The following CMC1 variants were observed in gnomAD, a reference collection of about 807,000 sequenced individuals.
CMC1 encodes the protein C-X9-C motif containing 1.
CMC1 carries 14 observed loss-of-function variants against 14.1 expected under a neutral mutation model. The observed-to-expected ratio is 0.99, with a 90% CI of 0.66 to 1.55. The LOEUF (loss-of-function observed/expected upper bound fraction) is 1.55. CMC1 is among the 40% of genes most tolerant of loss of function. The pLI, the probability that CMC1 is intolerant of heterozygous loss-of-function variation, is 0.00. For synonymous variants in CMC1, 50 were observed against 38.4 expected (o/e 1.30, Z -1.12); for missense variants, 127 against 123.8 (o/e 1.03, Z -0.12).
At chr3:28,295,875 G>A (rs1701715845) in intron 2 of CMC1, among the ~76,000 whole-genome samples, 1 of 151,944 alleles carries the variant, frequency 6.6e-6, no homozygotes, top group Non-Finnish European at 1.5e-5. Context: ...GATAAGGAAT[G>A]GTATTTATTG....
At chr3:28,282,243 C>G (rs1466641343) in intron 2 of CMC1, among the ~76,000 whole-genome samples, 1 of 152,134 alleles carries the variant, frequency 6.6e-6, no homozygotes, top group Non-Finnish European at 1.5e-5. Flanking sequence ...AGCTGTTTTC[C>G]ATTAACAGTG....
At chr3:28,261,494 A>G (rs1338423261) in intron 1 of CMC1, among the ~76,000 whole-genome samples, 1 of 152,172 alleles carries the variant, frequency 6.6e-6, no homozygotes, top group Admixed American at 6.6e-5. Context: ...ATGAAAAAAG[A>G]AGTAATTTTG....
chr3:28,280,695 A>G (rs1240333148), intron 2 of CMC1, among the ~76,000 whole-genome samples: 1 of 152,260 alleles, frequency 6.6e-6, no homozygotes, highest in Non-Finnish European at 1.5e-5. Context: ...ATAGCATCAT[A>G]TATAATATGG....
At chr3:28,243,540 C>A (rs893612554) in intron 1 of CMC1, among the ~76,000 whole-genome samples, 1 of 152,176 alleles carries the variant, frequency 6.6e-6, no homozygotes, top group East Asian at 1.9e-4. Flanking sequence ...ACTCATAAGC[C>A]ACTCCAATCT....
At chr3:28,283,775 C>G (rs1485195926) in intron 2 of CMC1, among the ~76,000 whole-genome samples, 3 of 152,132 alleles carry the variant, frequency 2.0e-5, no homozygotes. Context: ...CATCTCAATA[C>G]AGATTACTGC....
At chr3:28,301,759 TGAG>T (rs1702060176) in intron 2 of CMC1, among the ~76,000 whole-genome samples, 1 of 152,046 alleles carries the variant, frequency 6.6e-6, no homozygotes, top group Non-Finnish European at 1.5e-5. Context: ...TCACATACCT[TGAG>T]GAGGCAGCAA....
At chr3:28,307,695 A>T (rs1333902564) in intron 2 of CMC1, among the ~76,000 whole-genome samples, 3 of 152,322 alleles carry the variant, frequency 2.0e-5, no homozygotes, top group Admixed American at 1.3e-4. Context: ...ATTGCAAAAC[A>T]TCTTTTAGCC....
chr3:28,286,811 C>A (rs1384227662), intron 2 of CMC1, among the ~76,000 whole-genome samples: 1 of 151,980 alleles, frequency 6.6e-6, no homozygotes, highest in Non-Finnish European at 1.5e-5. Context: ...TTTAACACAG[C>A]ACATGTAGAA....
intron 2 of CMC1, among the ~76,000 whole-genome samples, chr3:28,268,672 A>G (rs1700125726): frequency 6.6e-6 from 1 of 152,150 alleles, no homozygotes; most frequent in Non-Finnish European, 1.5e-5. Flanking sequence ...TCTTGCAAGC[A>G]AGCCTTTTAA....
chr3:28,274,212 GTTTTTTTCT>G (rs1195097864), intron 2 of CMC1, among the ~76,000 whole-genome samples: 1 of 88,168 alleles, frequency 1.1e-5, no homozygotes, highest in Non-Finnish European at 2.2e-5. Context: ...AAGTGTTTTT[GTTTTTTTCT>G]TTTTTTTTTT....
At chr3:28,256,421 C>T (rs1311007336) in intron 1 of CMC1, among the ~76,000 whole-genome samples, 3 of 152,042 alleles carry the variant, frequency 2.0e-5, no homozygotes, top group African/African-American at 7.2e-5. Flanking sequence ...TTGTATTAGA[C>T]CCACCCAAAT....
At chr3:28,291,557 T>C (rs1374942951) in intron 2 of CMC1, among the ~76,000 whole-genome samples, 1 of 152,210 alleles carries the variant, frequency 6.6e-6, no homozygotes, top group Admixed American at 6.5e-5. Flanking sequence ...CCTTGAAGTC[T>C]AGTTTTCTTG....
At chr3:28,275,113 C>A (rs1392092336) in intron 2 of CMC1, among the ~76,000 whole-genome samples, 4 of 152,160 alleles carry the variant, frequency 2.6e-5, no homozygotes, top group Non-Finnish European at 5.9e-5. Context: ...ATTTCAGCCT[C>A]AGCCCAGTTC....
intron 2 of CMC1, chr3:28,315,035 A>G (rs1484782714): frequency 1.3e-5 from 2 of 152,118 alleles, no homozygotes; most frequent in Admixed American, 6.6e-5. Context: ...TTTTTTGCCT[A>G]CAGCTTCTTT....
At chr3:28,303,100 A>T (rs1702140506) in intron 2 of CMC1, among the ~76,000 whole-genome samples, 1 of 152,144 alleles carries the variant, frequency 6.6e-6, no homozygotes, top group Non-Finnish European at 1.5e-5. Context: ...TGCTTACTTG[A>T]TCGTGTTTTT....
chr3:28,317,097 C>G (rs1246371058), intron 3 of CMC1: 1 of 151,820 alleles, frequency 6.6e-6, no homozygotes, highest in Admixed American at 6.6e-5. Flanking sequence ...TTTGGTAAGC[C>G]TTTGTTTCCT....
intron 1 of CMC1, among the ~76,000 whole-genome samples, chr3:28,251,661 A>G (rs1418019301): frequency 6.6e-6 from 1 of 152,252 alleles, no homozygotes; most frequent in East Asian, 1.9e-4. Flanking sequence ...ACCCTTCAAT[A>G]TAAAAATAAT....
intron 2 of CMC1, among the ~76,000 whole-genome samples, chr3:28,285,862 G>C (rs1307130809): frequency 6.6e-6 from 1 of 151,840 alleles, no homozygotes; most frequent in African/African-American, 2.4e-5. Flanking sequence ...TGCCTCCTGG[G>C]TTCACGCCAT....
At chr3:28,296,201 A>G (rs1304313446) in intron 2 of CMC1, among the ~76,000 whole-genome samples, 1 of 152,080 alleles carries the variant, frequency 6.6e-6, no homozygotes, top group Non-Finnish European at 1.5e-5. Context: ...ACTTCCTATG[A>G]AAAAATGTAA....
Sources: allele counts gnomAD v4.1 joint callset (sites outside exome capture counted in the v4.1 genomes callset), GRCh38; gene constraint gnomAD v4.1.1; transcripts MANE v1.5; gene names NCBI Gene and HGNC (gene_info 2026-07-23, HGNC 2026-07-21).